Variants in DACH1 observed in about 807,000 individuals in gnomAD.
DACH1 encodes dachshund homolog 1.
Under a neutral mutation model 54.2 loss-of-function variants are expected in DACH1, and 12 were observed. The ratio of observed to expected loss-of-function variants is 0.22; its 90% CI spans 0.14 to 0.36. The LOEUF (loss-of-function observed/expected upper bound fraction) is 0.36. DACH1 is among the 10% of genes least tolerant of loss of function. The pLI, the probability that DACH1 is intolerant of heterozygous loss-of-function variation, is 1.00. For synonymous variants in DACH1, 386 were observed against 366.2 expected (o/e 1.05, Z -0.62); for missense variants, 805 against 929.8 (o/e 0.87, Z 1.75).
Position 71,487,230 on chromosome 13 carries a change from G to T in DACH1, c.1722+1767C>A, listed in dbSNP as rs182708127. On this transcript the variant is annotated intron_variant, in intron 7 of 10. Transcript: ENST00000613252. ...CCCAGATCCCTATAATTTGGGAATA[G>T]AAATAAATTATTTAGCTTGTCTTGA... Among the ~76,000 whole-genome samples the T allele has an allele frequency of 2.7e-4, 41 of 152,208 alleles. No individual in the cohort carries two copies. The East Asian group carries it at 6.6e-3, about 24-fold the overall frequency.
At chr13:71,643,691 A>G (rs1396432033) in intron 2 of DACH1, among the ~76,000 whole-genome samples, 2 of 152,022 alleles carry the variant, frequency 1.3e-5, no homozygotes, top group Non-Finnish European at 2.9e-5. Flanking sequence ...GTAATAAATG[A>G]ACCTTTATTG....
At chr13:71,561,622 A>G (rs990256485) in intron 4 of DACH1, among the ~76,000 whole-genome samples, 1 of 152,112 alleles carries the variant, frequency 6.6e-6, no homozygotes, top group East Asian at 1.9e-4. Context: ...ATAATGAGAG[A>G]CAATAAATTT....
intron 1 of DACH1, among the ~76,000 whole-genome samples, chr13:71,788,579 C>T (rs1886703128): frequency 6.6e-6 from 1 of 151,958 alleles, no homozygotes; most frequent in Non-Finnish European, 1.5e-5. Flanking sequence ...ACACACATCA[C>T]ACATACCCCC....
chr13:71,470,242 A>C (rs757404125), intron 10 of DACH1, among the ~76,000 whole-genome samples: 7 of 152,212 alleles, frequency 4.6e-5, no homozygotes, highest in Non-Finnish European at 1.0e-4. Flanking sequence ...GCAAACGAAG[A>C]ATAAACACAT....
At chr13:71,576,022 T>G (rs1196968253) in intron 3 of DACH1, among the ~76,000 whole-genome samples, 2 of 152,108 alleles carry the variant, frequency 1.3e-5, no homozygotes, top group Admixed American at 6.6e-5. Context: ...ACAATTTTAT[T>G]TTAAGCCAAT....
intron 2 of DACH1, among the ~76,000 whole-genome samples, chr13:71,647,521 T>C (rs1325161129): frequency 6.6e-6 from 1 of 152,224 alleles, no homozygotes; most frequent in Non-Finnish European, 1.5e-5. Flanking sequence ...ATGTTTCTTT[T>C]TAGTCCTTGA....
At chr13:71,697,975 A>C (rs1881915081) in intron 1 of DACH1, among the ~76,000 whole-genome samples, 1 of 152,222 alleles carries the variant, frequency 6.6e-6, no homozygotes, top group African/African-American at 2.4e-5. Flanking sequence ...TAATGCCAGA[A>C]AGTACTGAGT....
intron 2 of DACH1, among the ~76,000 whole-genome samples, chr13:71,650,944 T>C (rs1425647419): frequency 1.3e-5 from 2 of 152,186 alleles, no homozygotes; most frequent in Non-Finnish European, 2.9e-5. Flanking sequence ...AAGTAATTCA[T>C]TATGCATGAA....
chr13:71,781,346 TTTTATTTATTTATTTATTTA>T (rs58100916), intron 1 of DACH1, among the ~76,000 whole-genome samples: 50 of 137,212 alleles, frequency 3.6e-4, no homozygotes, highest in Non-Finnish European at 6.4e-4. Flanking sequence ...TCTTTTTTAT[TTTTATTTATTTATTTATTTA>T]TTTATTTATT....
Position 71,674,440 on chromosome 13 carries a change from TACACACACACACAC to T in DACH1, c.964+7341_964+7354del, listed in dbSNP as rs57078245. ...TTAAAAGAGAGTCAGAGGGAGATTT[TACACACACACACAC>T]ACACACACACACACACACACACACA... On this transcript the variant is annotated intron_variant, in intron 2 of 10. Coordinates refer to ENST00000613252, the MANE Select transcript of DACH1 (RefSeq NM_080759.6). Among the ~76,000 whole-genome samples, 1,267 of 141,132 alleles carry T rather than the reference TACACACACACACAC, an allele frequency of 9.0e-3. 19 individuals are homozygous for T. Among genetic ancestry groups the T allele is most frequent in the African/African-American group, 0.03 (1,146 of 37,750 alleles). 92.6% of individuals were successfully genotyped at this position (141,132 alleles called of 152,430 possible). A position where few individuals can be genotyped will look rare whatever the true frequency, so the allele number is the denominator to read the frequency against.
intron 1 of DACH1, among the ~76,000 whole-genome samples, chr13:71,713,277 G>A (rs999741747): frequency 3.9e-5 from 6 of 151,978 alleles, no homozygotes; most frequent in Non-Finnish European, 8.8e-5. Flanking sequence ...CCCTAATGTC[G>A]CTTTGCCACA....
intron 7 of DACH1, among the ~76,000 whole-genome samples, chr13:71,481,155 T>C (rs1178694447): frequency 6.6e-6 from 1 of 152,210 alleles, no homozygotes; most frequent in Non-Finnish European, 1.5e-5. Context: ...AAATTCTAAT[T>C]TTCTGCTCTG....
intron 1 of DACH1, among the ~76,000 whole-genome samples, chr13:71,705,352 G>A (rs1882386952): frequency 6.8e-6 from 1 of 147,388 alleles, no homozygotes; most frequent in African/African-American, 2.7e-5. Flanking sequence ...GCGCTATTTA[G>A]GGACCGAAAT....
chr13:71,475,031 C>A, intron 10 of DACH1, 110 bp downstream of exon 10: 1 of 904,776 alleles, frequency 1.1e-6, no homozygotes. Flanking sequence ...CTTGTTTGAA[C>A]TTGTTTTGAT....
rs1829507336 is a variant in DACH1 at position 71,465,648 on chromosome 13, AT to A, written c.2083+9492del. On this transcript the variant is annotated intron_variant, in intron 10 of 10. Coordinates refer to ENST00000613252, the MANE Select transcript of DACH1 (RefSeq NM_080759.6). The stretch of plus-strand genomic sequence containing the variant: ...GATAACTTGCTCCAACTGAACCATC[AT>A]TTTTTTCACTTGATAATAAAGGTTA... Among the ~76,000 whole-genome samples, 3 of 152,078 alleles carry A rather than the reference AT, an allele frequency of 2.0e-5. No homozygotes were observed. The South Asian group carries it at 6.2e-4, about 31-fold the overall frequency.
chr13:71,799,075 A>G (rs1594236247), intron 1 of DACH1, among the ~76,000 whole-genome samples: 1 of 152,218 alleles, frequency 6.6e-6, no homozygotes, highest in East Asian at 1.9e-4. Context: ...CTTCCTTTAT[A>G]AAAGCCTTGA....
At chr13:71,607,459 C>T (rs922037974) in intron 3 of DACH1, among the ~76,000 whole-genome samples, 1 of 151,830 alleles carries the variant, frequency 6.6e-6, no homozygotes, top group Non-Finnish European at 1.5e-5. Flanking sequence ...TCTGATATCG[C>T]TGTTACATGG....
intron 1 of DACH1, among the ~76,000 whole-genome samples, chr13:71,685,485 A>G (rs1881113477): frequency 6.6e-6 from 1 of 152,170 alleles, no homozygotes; most frequent in African/African-American, 2.4e-5. Flanking sequence ...TAAGAACAGG[A>G]CAACAACTAT....
chr13:71,506,124 A>G (rs1880299251), intron 6 of DACH1, among the ~76,000 whole-genome samples: 2 of 151,946 alleles, frequency 1.3e-5, no homozygotes, highest in South Asian at 4.2e-4. Context: ...ACTCACATAA[A>G]GCTCTTAAGA....
Sources: allele counts gnomAD v4.1 joint callset (sites outside exome capture counted in the v4.1 genomes callset), GRCh38; gene constraint gnomAD v4.1.1; transcripts MANE v1.5; gene names NCBI Gene and HGNC (gene_info 2026-07-23, HGNC 2026-07-21).